Variants in PRKDC observed in about 807,000 individuals in gnomAD.
PRKDC encodes protein kinase, DNA-activated, catalytic subunit, also known as DNA-dependent protein kinase catalytic subunit.
PRKDC carries 82 observed loss-of-function variants against 486.9 expected under a neutral mutation model. The ratio of observed to expected loss-of-function variants is 0.17; its 90% confidence interval spans 0.14 to 0.20. The LOEUF (loss-of-function observed/expected upper bound fraction) is 0.20. PRKDC is among the 10% of genes least tolerant of loss of function. The pLI is 1.00. For synonymous variants in PRKDC, 1,895 were observed against 1,837.0 expected (o/e 1.03, Z -0.81); for missense variants, 4,504 against 5,038.2 (o/e 0.89, Z 3.21).
chr8:47,806,601 T>C (rs2087220085), intron 69 of PRKDC, among the ~76,000 whole-genome samples: 1 of 152,246 alleles, frequency 6.6e-6, no homozygotes, highest in Non-Finnish European at 1.5e-5. Context: ...AAAGATTATA[T>C]ACATTTAAAT....
intron 67 of PRKDC, among the ~76,000 whole-genome samples, chr8:47,818,010 T>C (rs1475895441): frequency 6.6e-6 from 1 of 152,224 alleles, no homozygotes; most frequent in Non-Finnish European, 1.5e-5. Context: ...GCCCCTGGCA[T>C]GTACACAGGT....
At chr8:47,865,381 C>CAA (rs1193206075) in intron 40 of PRKDC, among the ~76,000 whole-genome samples, 10 of 108,806 alleles carry the variant, frequency 9.2e-5, no homozygotes, top group African/African-American at 2.3e-4. Flanking sequence ...GACTCCGTCT[C>CAA]AAAAAAAAAA....
At chr8:47,959,069 T>G (rs1231163291) in intron 1 of PRKDC, 1 of 152,178 alleles carries the variant, frequency 6.6e-6, no homozygotes, top group Admixed American at 6.6e-5. Context: ...GTTTAAGTTA[T>G]TCCTACACCA....
chr8:47,805,392 C>T (rs1453014863), intron 69 of PRKDC, among the ~76,000 whole-genome samples: 1 of 152,174 alleles, frequency 6.6e-6, no homozygotes, highest in Admixed American at 6.5e-5. Flanking sequence ...GGATACTGAG[C>T]ATCTTTGCAT....
At position 47,774,005 on chromosome 8, in the gene PRKDC, C is replaced by A; in HGVS notation, c.*168G>T. The A allele has an allele frequency of 1.6e-6, 1 of 644,294 alleles. No individual in the cohort carries two copies. The highest frequency in any genetic ancestry group is 2.6e-6 in the Non-Finnish European group (1 of 386,932). The allele number at this position is 644,294 out of a possible 1,614,324, so 39.9% of individuals were successfully genotyped here. A position where few individuals can be genotyped will look rare whatever the true frequency, so the allele number is the denominator to read the frequency against. On this transcript the variant is annotated 3_prime_UTR_variant, in exon 86 of 86. Coordinates refer to ENST00000314191, the MANE Select transcript of PRKDC (RefSeq NM_006904.7). ...AACCTTATCTTTGATTTAACCCATACACATTTACTCATCATAATCTTGATT... is the reference window on the plus strand; with the variant it reads ...AACCTTATCTTTGATTTAACCCATAAACATTTACTCATCATAATCTTGATT...
At chr8:47,857,414 C>A in intron 48 of PRKDC, 115 bp from the exon 49 acceptor site, 1 of 1,171,150 alleles carries the variant, frequency 8.5e-7, no homozygotes, top group Non-Finnish European at 1.2e-6. Context: ...GACCTAAAGC[C>A]AAAAGCGAGG....
Position 47,860,894 on chromosome 8 carries a change from C to G in PRKDC, c.6058+5G>C. Reference sequence around the variant, plus strand: ...TCCTTTCTCATGATTTTGAAAACATCCTACCTGAATCCCCATTTGCTGCTT... The same window carrying G: ...TCCTTTCTCATGATTTTGAAAACATGCTACCTGAATCCCCATTTGCTGCTT... On this transcript the variant is annotated splice_donor_5th_base_variant and intron_variant, in intron 45 of 85. Coordinates refer to ENST00000314191, the MANE Select transcript of PRKDC (RefSeq NM_006904.7). 6.2e-7 allele frequency: 1 copy of G among 1,600,738 alleles called. No homozygotes were observed. The highest frequency in any genetic ancestry group is 8.5e-7 in the Non-Finnish European group (1 of 1,172,964).
chr8:47,857,397 A>G, intron 48 of PRKDC, 98 bp from the exon 49 acceptor site: 1 of 1,350,574 alleles, frequency 7.4e-7, no homozygotes, highest in Admixed American at 2.6e-5. Context: ...ATTTTATACT[A>G]TGACTGGACC....
chr8:47,935,064 A>G lies in PRKDC; in HGVS notation c.1448-6T>C. 3 of 1,478,336 alleles carry G rather than the reference A, an allele frequency of 2.0e-6. No individual in the cohort carries two copies. Among genetic ancestry groups the G allele is most frequent in the Non-Finnish European group, 2.7e-6 (3 of 1,101,808 alleles). The allele number at this position is 1,478,336 out of a possible 1,614,324, so 91.6% of individuals were successfully genotyped here. A position where few individuals can be genotyped will look rare whatever the true frequency, so the allele number is the denominator to read the frequency against. ...TCTGATTAAACCCTGATGCACTGAA[A>G]AAAGAAAAAGAAAACAAAAATGAAG... On this transcript the variant is annotated splice_polypyrimidine_tract_variant and splice_region_variant and intron_variant, in intron 13 of 85. Transcript: ENST00000314191.
At position 47,794,325 on chromosome 8, in the gene PRKDC, A is replaced by G. The variant is rs895744192; in HGVS notation, c.10635T>C (p.Thr3545=). Residue 3545 remains threonine, a synonymous_variant, in exon 74 of 86, where the codon ACT becomes ACC. Coordinates refer to ENST00000314191, the MANE Select transcript of PRKDC (RefSeq NM_006904.7). The part of the protein sequence containing the change: ...ISSESYSFKD[T]STGHKNKEFV... ...ACTCCTTATTCTTATGACCAGTAGAAGTATCCTTGAAGGAATAGCTTTCGC... is the reference window on the plus strand; with the variant it reads ...ACTCCTTATTCTTATGACCAGTAGAGGTATCCTTGAAGGAATAGCTTTCGC... The G allele has an allele frequency of 5.6e-6, 9 of 1,613,450 alleles. No homozygotes were observed. Among genetic ancestry groups the G allele is most frequent in the Non-Finnish European group, 6.8e-6 (8 of 1,179,614 alleles).
At chr8:47,946,481 T>C (rs2090533873) in intron 7 of PRKDC, among the ~76,000 whole-genome samples, 2 of 152,078 alleles carry the variant, frequency 1.3e-5, no homozygotes, top group Admixed American at 1.3e-4. Flanking sequence ...ATGGATGTGG[T>C]TCTCGTGGAG....
chr8:47,816,762 G>A (rs2087456649), intron 68 of PRKDC, among the ~76,000 whole-genome samples: 2 of 151,762 alleles, frequency 1.3e-5, no homozygotes, highest in Non-Finnish European at 2.9e-5. Flanking sequence ...AAAGAACCCA[G>A]GAGAGTACTA....
intron 23 of PRKDC, among the ~76,000 whole-genome samples, chr8:47,915,068 G>A (rs1217474203): frequency 6.6e-6 from 1 of 152,172 alleles, no homozygotes; most frequent in African/African-American, 2.4e-5. Flanking sequence ...ATATGGAAAA[G>A]AGTATCAAAT....
Position 47,821,795 on chromosome 8 carries a change from A to G in PRKDC, c.8923-3T>C. The stretch of plus-strand genomic sequence containing the variant: ...ACCCAGTCTTGTTTATTGAGAGCCT[A>G]GTGGAGAAAAGTTAATAAAATTATT... On this transcript the variant is annotated splice_polypyrimidine_tract_variant and splice_region_variant and intron_variant, in intron 64 of 85. Coordinates refer to ENST00000314191, the MANE Select transcript of PRKDC (RefSeq NM_006904.7). 1 of 1,534,938 alleles carries G rather than the reference A, an allele frequency of 6.5e-7. No individual in the cohort carries two copies. The highest frequency in any genetic ancestry group is 8.7e-7 in the Non-Finnish European group (1 of 1,148,992).
chr8:47,826,858 T>C lies in PRKDC; in HGVS notation c.8581A>G (p.Ile2861Val), dbSNP rs1371269036. 7.0e-6 allele frequency: 11 copies of C among 1,574,336 alleles called. No homozygotes were observed. The highest frequency in any genetic ancestry group is 1.3e-5 in the African/African-American group (1 of 74,232). Residue 2861 changes from isoleucine to valine, a missense_variant, in exon 63 of 86, where the codon ATT (isoleucine) becomes GTT (valine). Physicochemically the swap from Ile to Val is conservative, Grantham distance 29. Coordinates refer to ENST00000314191, the MANE Select transcript of PRKDC (RefSeq NM_006904.7). ...FPPFVSCIQD[I>V]SCQHAALLSL... ...AGCAGGGCTGCGTGCTGACAGCTAATGTCCTGTGAAACCACACATACAACC... is the reference window on the plus strand; with the variant it reads ...AGCAGGGCTGCGTGCTGACAGCTAACGTCCTGTGAAACCACACATACAACC...
chr8:47,945,072 T>C (rs926828169), intron 7 of PRKDC, among the ~76,000 whole-genome samples: 1 of 152,190 alleles, frequency 6.6e-6, no homozygotes, highest in African/African-American at 2.4e-5. Flanking sequence ...AAAATAGTCA[T>C]GTTAATAAAC....
intron 25 of PRKDC, among the ~76,000 whole-genome samples, chr8:47,908,195 T>C (rs1309434511): frequency 6.6e-6 from 1 of 152,236 alleles, no homozygotes; most frequent in Non-Finnish European, 1.5e-5. Context: ...CAAACATTGT[T>C]CATCTTTTAA....
Position 47,836,396 on chromosome 8 carries a change from C to T in PRKDC, c.7893G>A (p.Val2631=). The T allele has an allele frequency of 1.2e-6, 2 of 1,611,366 alleles. No individual in the cohort carries two copies. Among genetic ancestry groups the T allele is most frequent in the African/African-American group, 1.3e-5 (1 of 74,972 alleles). Residue 2631 remains valine, a synonymous_variant, in exon 58 of 86, where the codon GTG becomes GTA. Coordinates refer to ENST00000314191, the MANE Select transcript of PRKDC (RefSeq NM_006904.7). The part of the protein sequence containing the change: ...QEGSLSARWP[V]AGQIRATQQQ... ...GCTGGGTGGCCCTTATCTGCCCTGC[C>T]ACTGGCCAGCGAGCTGAGAGGGACC...
At chr8:47,926,999 T>G (rs1484776107) in intron 21 of PRKDC, 195 bp downstream of exon 21, 21 of 594,346 alleles carry the variant, frequency 3.5e-5, no homozygotes, top group Non-Finnish European at 5.3e-5. Flanking sequence ...ATGAAAAATT[T>G]TTTAATACCT....
Sources: gnomAD v4.1 joint callset for allele counts (sites outside exome capture counted in the v4.1 genomes callset) on GRCh38, gnomAD v4.1.1 for gene constraint, MANE v1.5 for transcripts, NCBI Gene and HGNC (gene_info 2026-07-23, HGNC 2026-07-21) for gene names.